Variants in ELMO1 observed in about 807,000 individuals in gnomAD.
ELMO1 encodes engulfment and cell motility 1, also known as engulfment and cell motility protein 1.
Under a neutral mutation model 98.9 loss-of-function variants are expected in ELMO1, and 26 were observed. That is an observed-to-expected ratio of 0.26 (90% CI 0.19 to 0.36). The LOEUF (loss-of-function observed/expected upper bound fraction) is 0.36, where lower values mean the gene tolerates loss of function less well. Ranked by LOEUF, ELMO1 falls within the 10% of genes least tolerant of loss-of-function variation. The pLI, the probability that ELMO1 is intolerant of heterozygous loss-of-function variation, is 1.00. For synonymous variants in ELMO1, 346 were observed against 346.0 expected, an observed-to-expected ratio of 1.00 and a Z score of 0.00; for missense variants, 627 against 935.2, an observed-to-expected ratio of 0.67 and a Z score of 4.30.
intron 15 of ELMO1, among the ~76,000 whole-genome samples, chr7:37,052,139 T>C (rs1376821364): frequency 6.6e-6 from 1 of 152,210 alleles, no homozygotes; most frequent in Non-Finnish European, 1.5e-5. Context: ...CACCAGTGAA[T>C]TTCTGTCTGT....
At position 37,370,782 on chromosome 7, in the gene ELMO1, T is replaced by C. The variant is rs531130495; in HGVS notation, c.-73-28019A>G. 3.0e-4 allele frequency among the ~76,000 whole-genome samples: 46 copies of C among 152,314 alleles called. 2 individuals are homozygous for C. The highest frequency in any genetic ancestry group is 1.0e-3 in the African/African-American group (42 of 41,572). The stretch of plus-strand genomic sequence containing the variant: ...CAGCCCCCAAGTTTTGGCAAGTATG[T>C]GGAGCAACAGGAACTTTCATGTACT... On this transcript the variant is annotated intron_variant, in intron 1 of 21. Coordinates refer to ENST00000310758, the MANE Select transcript of ELMO1 (RefSeq NM_014800.11).
Position 37,193,428 on chromosome 7 carries a change from G to A in ELMO1, c.1086+17958C>T, listed in dbSNP as rs189423833. 2.6e-5 allele frequency among the ~76,000 whole-genome samples: 4 copies of A among 152,270 alleles called. 1 individual carries two copies. The South Asian group carries it at 6.2e-4, about 24-fold the overall frequency. On this transcript the variant is annotated intron_variant, in intron 13 of 21. Transcript: ENST00000310758. The stretch of plus-strand genomic sequence containing the variant: ...GTAAACTGAATAAGAACAAAAAGCC[G>A]TTATATAAGCAGGGATGGAGGGAAG...
chr7:37,426,059 T>C (rs1804684658), intron 1 of ELMO1, among the ~76,000 whole-genome samples: 1 of 151,886 alleles, frequency 6.6e-6, no homozygotes, highest in African/African-American at 2.4e-5. Context: ...ACCTCAGCTC[T>C]TTCTGGCTCT....
At chr7:37,117,450 C>T (rs1054270866) in intron 14 of ELMO1, among the ~76,000 whole-genome samples, 4 of 152,178 alleles carry the variant, frequency 2.6e-5, no homozygotes, top group Middle Eastern at 3.2e-3. Flanking sequence ...CCCTCCCTCC[C>T]TGGGACAAGG....
chr7:37,180,516 A>C (rs1055417016), intron 13 of ELMO1, among the ~76,000 whole-genome samples: 2 of 152,222 alleles, frequency 1.3e-5, no homozygotes, highest in African/African-American at 4.8e-5. Context: ...GAGAGCAAAA[A>C]GAAAGACAGC....
chr7:37,407,979 T>G (rs1253129652), intron 1 of ELMO1, among the ~76,000 whole-genome samples: 1 of 152,188 alleles, frequency 6.6e-6, no homozygotes. Context: ...TGATTAATTT[T>G]TAAAATATTT....
chr7:36,887,087 T>C (rs1420085481), intron 18 of ELMO1, among the ~76,000 whole-genome samples: 1 of 152,352 alleles, frequency 6.6e-6, no homozygotes, highest in South Asian at 2.1e-4. Flanking sequence ...CTTCTGTGAC[T>C]TTGGGCCAGT....
intron 2 of ELMO1, among the ~76,000 whole-genome samples, chr7:37,321,743 GAAAAGAA>G (rs1266231476): frequency 8.8e-6 from 1 of 113,306 alleles, no homozygotes; most frequent in South Asian, 2.8e-4. Flanking sequence ...AAAAAACACA[GAAAAGAA>G]AAAAGAAAAG....
intron 13 of ELMO1, among the ~76,000 whole-genome samples, chr7:37,152,044 A>G (rs1037360319): frequency 1.3e-5 from 2 of 152,238 alleles, no homozygotes; most frequent in Middle Eastern, 3.2e-3. Context: ...GGATGAAAGT[A>G]TTGGAAATGT....
intron 13 of ELMO1, among the ~76,000 whole-genome samples, chr7:37,197,568 C>T (rs929501798): frequency 6.6e-5 from 10 of 152,232 alleles, no homozygotes; most frequent in African/African-American, 2.4e-4. Flanking sequence ...ACCACAACAG[C>T]ACACTGTCTC....
At chr7:37,114,810 A>G (rs1785474258) in intron 14 of ELMO1, among the ~76,000 whole-genome samples, 2 of 152,180 alleles carry the variant, frequency 1.3e-5, no homozygotes, top group Admixed American at 1.3e-4. Flanking sequence ...TAGAAAAATC[A>G]GTAAAATCAA....
intron 1 of ELMO1, among the ~76,000 whole-genome samples, chr7:37,392,096 G>A (rs892554767): frequency 8.5e-5 from 13 of 152,126 alleles, no homozygotes; most frequent in African/African-American, 3.1e-4. Flanking sequence ...TGCAACCCGG[G>A]GAAGTTAAAG....
chr7:37,189,504 G>T (rs1791445488), intron 13 of ELMO1, among the ~76,000 whole-genome samples: 1 of 152,286 alleles, frequency 6.6e-6, no homozygotes, highest in African/African-American at 2.4e-5. Context: ...GAAGTTTATG[G>T]CAACCCAAGG....
intron 1 of ELMO1, among the ~76,000 whole-genome samples, chr7:37,383,308 T>A (rs2131392403): frequency 6.6e-6 from 1 of 152,296 alleles, no homozygotes; most frequent in African/African-American, 2.4e-5. Flanking sequence ...CTGACATTTT[T>A]TAAGAGTACA....
At chr7:37,182,464 T>TCC (rs1790933131) in intron 13 of ELMO1, among the ~76,000 whole-genome samples, 2 of 97,970 alleles carry the variant, frequency 2.0e-5, no homozygotes, top group African/African-American at 8.6e-5. Flanking sequence ...GTGCTCTACT[T>TCC]TTTTTTTTTT....
intron 1 of ELMO1, among the ~76,000 whole-genome samples, chr7:37,399,054 C>T (rs1466289251): frequency 3.3e-5 from 5 of 152,160 alleles, no homozygotes; most frequent in East Asian, 1.9e-4. Context: ...GGGTGAACGG[C>T]GATCCTCACT....
chr7:37,093,103 A>C (rs1231482141), intron 15 of ELMO1, among the ~76,000 whole-genome samples: 1 of 152,018 alleles, frequency 6.6e-6, no homozygotes, highest in East Asian at 1.9e-4. Context: ...AATAGACATT[A>C]TTTTGGACCA....
At chr7:37,282,234 G>A (rs973702860) in intron 4 of ELMO1, among the ~76,000 whole-genome samples, 6 of 152,180 alleles carry the variant, frequency 3.9e-5, no homozygotes, top group South Asian at 4.1e-4. Context: ...GATCCTCTGC[G>A]TTCAGGCCCT....
intron 1 of ELMO1, chr7:37,375,502 C>A: frequency 1.2e-6 from 1 of 804,166 alleles, no homozygotes. Flanking sequence ...GCCCCGGCCC[C>A]GGACCCCAGA....
Sources: gnomAD v4.1 joint callset for allele counts (sites outside exome capture counted in the v4.1 genomes callset) on GRCh38, gnomAD v4.1.1 for gene constraint, MANE v1.5 for transcripts, NCBI Gene and HGNC (gene_info 2026-07-23, HGNC 2026-07-21) for gene names.